The following INAVA variants were observed in gnomAD, a reference collection of about 807,000 sequenced individuals.
INAVA encodes the protein innate immunity activator protein.
In INAVA, 32 loss-of-function variants were observed where a neutral mutation model predicts 55.3. The ratio of observed to expected loss-of-function variants is 0.58; its 90% CI spans 0.44 to 0.78. The LOEUF (loss-of-function observed/expected upper bound fraction) is 0.78. INAVA is among the 30% of genes least tolerant of loss of function. The pLI is 0.00. For missense variants in INAVA, 756 were observed against 786.4 expected (o/e 0.96, Z 0.46); for synonymous variants, 294 against 329.4 (o/e 0.89, Z 1.16).
intron 9 of INAVA, among the ~76,000 whole-genome samples, chr1:200,913,028 G>A (rs756475394): frequency 1.3e-5 from 2 of 152,162 alleles, no homozygotes; most frequent in African/African-American, 2.4e-5. Context: ...TGCAGGTGAT[G>A]TGCTCCAGAA....
rs995246140 is a variant in INAVA, at chr1:200,894,963, C to T, written c.-219C>T. 2.9e-5 allele frequency: 29 copies of T among 985,736 alleles called. No homozygotes were observed. Among genetic ancestry groups the T allele is most frequent in the Non-Finnish European group, 3.4e-5 (28 of 830,136 alleles). The allele number at this position is 985,736 out of a possible 1,614,324, so 61.1% of individuals were successfully genotyped here. A position where few individuals can be genotyped will look rare whatever the true frequency, so the allele number is the denominator to read the frequency against. The stretch of plus-strand genomic sequence containing the variant: ...GAGACGGACGGACGGCCAGCAGCTC[C>T]GTCAGCTGGAGAGAGAGCACAGGCC... On this transcript the variant is annotated 5_prime_UTR_variant, in exon 1 of 10. Coordinates refer to ENST00000413687, the MANE Select transcript of INAVA (RefSeq NM_001142569.3).
chr1:200,898,396 C>A lies in INAVA; in HGVS notation c.-5C>A. The A allele has an allele frequency of 6.2e-7, 1 of 1,614,162 alleles. No individual in the cohort carries two copies. The highest frequency in any genetic ancestry group is 8.5e-7 in the Non-Finnish European group (1 of 1,180,024). On this transcript the variant is annotated 5_prime_UTR_variant, in exon 2 of 10. Transcript: ENST00000413687. ...CTCTGTGCCCTCTCCTTCCAGAAAT[C>A]CACCATGGAGAGTAAGGATGAGGTC... is the stretch of plus-strand genomic sequence containing the variant.
intron 9 of INAVA, among the ~76,000 whole-genome samples, chr1:200,912,754 G>C (rs1251497548): frequency 1.3e-5 from 2 of 152,180 alleles, no homozygotes; most frequent in Non-Finnish European, 1.5e-5. Context: ...TGAAATGAGA[G>C]TAGTAGAGTA....
In INAVA at chr1:200,909,035, G is replaced by A. The variant is rs114677748; in HGVS notation, c.785+95G>A. 1,122 of 1,382,896 alleles carry A rather than the reference G, an allele frequency of 8.1e-4. 8 individuals carry two copies. The African/African-American group carries it at 0.015, about 19-fold the overall frequency. 85.7% of individuals were successfully genotyped at this position (1,382,896 alleles called of 1,614,324 possible). A position where few individuals can be genotyped will look rare whatever the true frequency, so the allele number is the denominator to read the frequency against. On this transcript the variant is annotated intron_variant, in intron 7 of 9. Transcript: ENST00000413687. ...CTATAGGCTGGGCAGATGGAAAAGT[G>A]GAAAGGTGGAGGAGAGAGCTCCTGC...
intron 5 of INAVA, among the ~76,000 whole-genome samples, chr1:200,907,014 C>A (rs1653520080): frequency 6.6e-6 from 1 of 152,028 alleles, no homozygotes; most frequent in South Asian, 2.1e-4. Flanking sequence ...TTTGTAGAGA[C>A]CAGATTTCAC....
chr1:200,895,785 G>C (rs2102299407), intron 1 of INAVA, among the ~76,000 whole-genome samples: 1 of 152,290 alleles, frequency 6.6e-6, no homozygotes, highest in Admixed American at 6.5e-5. Flanking sequence ...GACCTGGAAA[G>C]GCTTTAGACA....
chr1:200,900,925 C>A lies in INAVA; in HGVS notation c.298-12C>A. ...TGCCTCTCTCTAGCCTCACTCCTGC[C>A]CCCTCTCTCAGGACCCCCTAAGCAG... On this transcript the variant is annotated splice_polypyrimidine_tract_variant and intron_variant, in intron 4 of 9. Transcript: ENST00000413687. The A allele has an allele frequency of 1.3e-6, 2 of 1,535,544 alleles. No homozygotes were observed. Among genetic ancestry groups the A allele is most frequent in the Non-Finnish European group, 1.8e-6 (2 of 1,136,740 alleles).
Position 200,911,826 on chromosome 1 carries a change from C to T in INAVA, c.1333C>T (p.Leu445=), listed in dbSNP as rs771485425. The T allele has an allele frequency of 8.7e-6, 14 of 1,603,540 alleles. No individual in the cohort carries two copies. Among genetic ancestry groups the T allele is most frequent in the South Asian group, 3.3e-5 (3 of 90,574 alleles). The part of the protein sequence containing the change: ...GRYVVVAESP[L]PPGEWELRRA... ...GTACGTGGTGGTGGCTGAGAGCCCC[C>T]TGCCGCCTGGCGAGTGGGAGCTGCG... The change falls in exon 9 of 10, where the codon CTG becomes TTG. Residue 445 remains leucine, a synonymous_variant. Transcript: ENST00000413687.
upstream of INAVA, among the ~76,000 whole-genome samples, chr1:200,892,007 C>T (rs1668248026): frequency 6.6e-6 from 1 of 152,118 alleles, no homozygotes; most frequent in Non-Finnish European, 1.5e-5. Flanking sequence ...GGGAGGGGAG[C>T]AGGGTGGACA....
In INAVA at chr1:200,913,591, T is replaced by G; in HGVS notation, c.1699T>G (p.Phe567Val). 1 of 1,614,104 alleles carries G rather than the reference T, an allele frequency of 6.2e-7. No individual in the cohort carries two copies. The stretch of plus-strand genomic sequence containing the variant: ...GCCTGATGGGGCCCCTGTGCAAGTC[T>G]TTGTACCTGAAAAAGGAGAGATCAT... ...RSPDGAPVQVFVPEKGEIISQ... is the reference protein window; with the variant it reads ...RSPDGAPVQVVVPEKGEIISQ... The change falls in exon 10 of 10, where the codon TTT (phenylalanine) becomes GTT (valine). Residue 567 changes from phenylalanine (F) to valine (V), a missense_variant. By Grantham distance (50) the Phe-to-Val change is conservative. This residue lies in a region of INAVA where 117 missense variants were observed against 162.1 expected (regional missense o/e 0.72). Transcript: ENST00000413687.
chr1:200,909,074 A>G, intron 7 of INAVA, 134 bp downstream of exon 7: 1 of 1,297,138 alleles, frequency 7.7e-7, no homozygotes, highest in South Asian at 1.5e-5. Flanking sequence ...CGTGGGATGG[A>G]GGTGTGAGCC....
chr1:200,907,932 C>CT, intron 6 of INAVA, 45 bp downstream of exon 6: 1 of 1,523,652 alleles, frequency 6.6e-7, no homozygotes, highest in Non-Finnish European at 9.1e-7. Flanking sequence ...TGGACTCCTA[C>CT]TGCAAGACCA....
chr1:200,893,830 A>G (rs1668282742), upstream of INAVA, among the ~76,000 whole-genome samples: 3 of 151,560 alleles, frequency 2.0e-5, no homozygotes, highest in African/African-American at 7.3e-5. Context: ...TTCCTCTGTC[A>G]TCCCTGCACT....
intron 7 of INAVA, 65 bp from the exon 8 acceptor site, chr1:200,909,159 C>G: frequency 1.4e-6 from 2 of 1,462,432 alleles, no homozygotes; most frequent in Non-Finnish European, 1.8e-6. Context: ...CCCCATTCTT[C>G]TGCACCTCTT....
rs758954062 is a variant in INAVA at position 200,900,998 on chromosome 1, G to T, written c.359G>T (p.Arg120Leu). ...CAGCTGCAGATCACAGAGGCAGCCC[G>T]TCGGCTGTGCCTGGAGGAGAACCTC... ...ALQLQITEAARRLCLEENLSR... is the reference protein window; with the variant it reads ...ALQLQITEAALRLCLEENLSR... The change falls in exon 5 of 10, where the codon CGT becomes CTT. Residue 120 changes from arginine to leucine, a missense_variant. Arg to Leu is a moderately radical substitution (Grantham distance 102). Around this residue, in one of 2 missense-constraint regions of INAVA, gnomAD observed 639 missense variants for 624.3 expected, o/e 1.02. Coordinates refer to ENST00000413687, the MANE Select transcript of INAVA (RefSeq NM_001142569.3). 1.7e-5 allele frequency: 26 copies of T among 1,552,748 alleles called. No homozygotes were observed. In the South Asian group the frequency reaches 2.9e-4, roughly 17 times the overall value.
chr1:200,893,225 G>C (rs1373242077), upstream of INAVA, among the ~76,000 whole-genome samples: 1 of 152,172 alleles, frequency 6.6e-6, no homozygotes, highest in African/African-American at 2.4e-5. Context: ...CTCAGCCCTT[G>C]TGTGAAATTA....
At chr1:200,901,190 TC>T in intron 5 of INAVA, 31 bp downstream of exon 5, 1 of 1,460,282 alleles carries the variant, frequency 6.8e-7, no homozygotes, top group Non-Finnish European at 9.0e-7. Context: ...GGGGCCATGC[TC>T]CTTAAATGAG....
At chr1:200,909,022 C>G in intron 7 of INAVA, 82 bp downstream of exon 7, 10 of 1,428,206 alleles carry the variant, frequency 7.0e-6, no homozygotes, top group Non-Finnish European at 1.9e-6. Flanking sequence ...ATAGGCTGGG[C>G]AGATGGAAAA....
At chr1:200,911,318 A>G (rs1355562674) in intron 8 of INAVA, 135 bp from the exon 9 acceptor site, 5 of 854,210 alleles carry the variant, frequency 5.9e-6, no homozygotes, top group African/African-American at 5.1e-5. Flanking sequence ...GACTTGACCT[A>G]AGACCCTTGC....
Sources: gnomAD v4.1 joint callset for allele counts (sites outside exome capture counted in the v4.1 genomes callset) on GRCh38, gnomAD v4.1.1 for gene constraint, gnomAD v4.1.1 regional missense constraint, MANE v1.5 for transcripts, NCBI Gene and HGNC (gene_info 2026-07-23, HGNC 2026-07-21) for gene names.